TTLL3: variants seen among roughly 807,000 people sequenced by gnomAD.
The protein encoded by TTLL3 is tubulin monoglycylase TTLL3.
Under a neutral mutation model 75.2 loss-of-function variants are expected in TTLL3, and 63 were observed. The ratio of observed to expected loss-of-function variants is 0.84; its 90% CI spans 0.68 to 1.03. The LOEUF (loss-of-function observed/expected upper bound fraction) is 1.03, where lower values mean the gene tolerates loss of function less well. TTLL3 is among the 50% of genes least tolerant of loss of function. The probability of loss-of-function intolerance (pLI) is 0.00; values close to 1 mark genes in which losing one functional copy is unlikely to be tolerated. For synonymous variants in TTLL3, 393 were observed against 418.5 expected (o/e 0.94, Z 0.74); for missense variants, 997 against 1,069.9 (o/e 0.93, Z 0.95).
rs2079636492 is a variant in TTLL3, at chr3:9,814,461, C to T, written c.315+1116C>T. On this transcript the variant is annotated intron_variant, in intron 4 of 13. Coordinates refer to ENST00000685419, the MANE Select transcript of TTLL3 (RefSeq NM_001387446.1). ...AGGAGTTCAAGACCAACCGGGCCAA[C>T]ATGGTGAAACCCTGTCTCTACTAAA... Among the ~76,000 whole-genome samples, 3 of 152,104 alleles carry T rather than the reference C, an allele frequency of 2.0e-5. No individual in the cohort carries two copies. The South Asian group carries it at 6.2e-4, about 32-fold the overall frequency.
rs766360882 is a variant in TTLL3 at position 9,825,948 on chromosome 3, G to A, written c.1003G>A (p.Gly335Ser). Residue 335 changes from glycine to serine, a missense_variant and splice_region_variant, in exon 9 of 14, where the codon GGC (glycine) becomes AGC (serine). Transcript: ENST00000685419. ...GCCAGGAGCCAAGTCCCGCGGACGA[G>A]GTGGGGGTCAGCTCCTGCTTCCTGC... ...VKPGAKSRGR[G>S]IMCMDHLEEM... 6.2e-7 allele frequency: 1 copy of A among 1,612,440 alleles called. No homozygotes were observed. The highest frequency in any genetic ancestry group is 1.7e-5 in the Admixed American group (1 of 60,016).
intron 2 of TTLL3, 27 bp from the exon 3 acceptor site, chr3:9,812,916 A>G: frequency 6.8e-7 from 1 of 1,475,068 alleles, no homozygotes; most frequent in Non-Finnish European, 9.0e-7. Context: ...ATACTTATTG[A>G]AGAAGTATCC....
At chr3:9,820,088 G>A (rs746151427) in intron 7 of TTLL3, 9 of 995,026 alleles carry the variant, frequency 9.0e-6, no homozygotes, top group Non-Finnish European at 1.1e-5. Flanking sequence ...GTGTTTCTGT[G>A]GGCTAAGGGT....
chr3:9,821,434 G>C (rs1163464804), intron 8 of TTLL3, among the ~76,000 whole-genome samples: 3 of 152,300 alleles, frequency 2.0e-5, no homozygotes, highest in East Asian at 3.9e-4. Context: ...CGTAGCCCCT[G>C]TTCTCAACTG....
At position 9,833,150 on chromosome 3, in the gene TTLL3, A is replaced by G. The variant is rs752170552; in HGVS notation, c.1730A>G (p.Glu577Gly). The G allele has an allele frequency of 1.2e-6, 2 of 1,614,166 alleles. No individual in the cohort carries two copies. Among genetic ancestry groups the G allele is most frequent in the South Asian group, 1.1e-5 (1 of 91,088 alleles). The change falls in exon 12 of 14, where the codon GAG (glutamate) becomes GGG (glycine). Residue 577 changes from glutamate (E) to glycine (G), a missense_variant. By Grantham distance (98) the Glu-to-Gly change is moderately conservative (BLOSUM62 -2). Coordinates refer to ENST00000685419, the MANE Select transcript of TTLL3 (RefSeq NM_001387446.1). ...PQYVGIRLLV[E>G]GFTIKKPMAM... ...TATGTGGGCATCCGGCTCCTGGTAGAGGGCTTCACCATCAAGAAGCCCATG... is the reference window on the plus strand; with the variant it reads ...TATGTGGGCATCCGGCTCCTGGTAGGGGGCTTCACCATCAAGAAGCCCATG...
In TTLL3 at chr3:9,834,916, C is replaced by T. The variant is rs191430514; in HGVS notation, c.2052+9C>T. 30 of 1,614,234 alleles carry T rather than the reference C, an allele frequency of 1.9e-5. No individual in the cohort carries two copies. Among genetic ancestry groups the T allele is most frequent in the Middle Eastern group, 1.6e-4 (1 of 6,062 alleles). On this transcript the variant is annotated intron_variant, in intron 13 of 13. Transcript: ENST00000685419. ...TCCTGAAGCCAAGAAAGGTGGGCCT[C>T]GACCTGTGACTCACACCCAGTGGAC...
chr3:9,829,273 C>G lies in TTLL3; in HGVS notation c.1561C>G (p.Pro521Ala). 6.2e-7 allele frequency: 1 copy of G among 1,614,184 alleles called. No homozygotes were observed. Among genetic ancestry groups the G allele is most frequent in the Non-Finnish European group, 8.5e-7 (1 of 1,180,048 alleles). ...IEINASPTMAPSTAVTARLCA... is the reference protein window; with the variant it reads ...IEINASPTMAASTAVTARLCA... ...GATCAACGCCAGCCCCACGATGGCA[C>G]CCTCCACAGCAGTCACTGCCCGGCT... is the stretch of plus-strand genomic sequence containing the variant. Residue 521 changes from proline (P) to alanine (A), a missense_variant, in exon 11 of 14, where the codon CCC (proline) becomes GCC (alanine). Pro to Ala is a conservative substitution (Grantham distance 27, BLOSUM62 -1). Coordinates refer to ENST00000685419, the MANE Select transcript of TTLL3 (RefSeq NM_001387446.1).
intron 8 of TTLL3, among the ~76,000 whole-genome samples, chr3:9,825,186 CAA>C (rs935918558): frequency 6.6e-6 from 1 of 151,970 alleles, no homozygotes; most frequent in African/African-American, 2.4e-5. Context: ...CCCATCTCTG[CAA>C]AAAATAAAAA....
Position 9,832,383 on chromosome 3 carries a change from G to A in TTLL3, c.1684-721G>A, listed in dbSNP as rs114782189. Among the ~76,000 whole-genome samples the A allele has an allele frequency of 7.5e-3, 1,138 of 152,152 alleles. 13 individuals carry two copies. Among genetic ancestry groups the A allele is most frequent in the African/African-American group, 0.026 (1,083 of 41,532 alleles). ...GATTACAGGTGTGACCACCATGCCC[G>A]GCCAATAGCTGTATTTTTAACAAGC... On this transcript the variant is annotated intron_variant, in intron 11 of 13. Transcript: ENST00000685419.
At position 9,835,191 on chromosome 3, in the gene TTLL3, C is replaced by T. The variant is rs1173376086; in HGVS notation, c.2150C>T (p.Ser717Leu). 6.2e-7 allele frequency: 1 copy of T among 1,609,030 alleles called. No homozygotes were observed. Among genetic ancestry groups the T allele is most frequent in the Non-Finnish European group, 8.5e-7 (1 of 1,179,648 alleles). The change falls in exon 14 of 14, where the codon TCA becomes TTA. Residue 717 changes from serine (S) to leucine (L), a missense_variant. Coordinates refer to ENST00000685419, the MANE Select transcript of TTLL3 (RefSeq NM_001387446.1). ...SEQFLAPVGR[S>L]RPKANSRPDC... Reference sequence around the variant, plus strand: ...CAATTCCTAGCACCTGTCGGAAGGTCAAGGCCAAAGGCAAATTCAAGGCCA... The same window carrying T: ...CAATTCCTAGCACCTGTCGGAAGGTTAAGGCCAAAGGCAAATTCAAGGCCA...
Position 9,827,072 on chromosome 3 carries a change from A to AGTG in TTLL3, c.1081_1083dup (p.Trp361dup). The AGTG allele has an allele frequency of 6.2e-7, 1 of 1,614,212 alleles. No individual in the cohort carries two copies. The highest frequency in any genetic ancestry group is 8.5e-7 in the Non-Finnish European group (1 of 1,180,036). On this transcript the variant is annotated inframe_insertion, in exon 10 of 14. Coordinates refer to ENST00000685419, the MANE Select transcript of TTLL3 (RefSeq NM_001387446.1). ...AACCCCGTGGTGATGAAGGACGGCA[A>AGTG]GTGGGTGGTGCAGAAGTATATTGAG... is the stretch of plus-strand genomic sequence containing the variant.
intron 7 of TTLL3, 101 bp downstream of exon 7, chr3:9,819,021 A>C: frequency 6.8e-7 from 1 of 1,470,418 alleles, no homozygotes; most frequent in Non-Finnish European, 9.4e-7. Context: ...CCACGCACCT[A>C]CTGGTTCATC....
chr3:9,819,191 A>C, intron 7 of TTLL3: 2 of 504,056 alleles, frequency 4.0e-6, no homozygotes, highest in African/African-American at 1.9e-5. Context: ...CCCATTGTTA[A>C]TCTCGTCATT....
rs2081315248 is a variant in TTLL3, at chr3:9,829,235, C to T, written c.1523C>T (p.Pro508Leu). Reference sequence around the variant, plus strand: ...TTCGTGTTCGGGGAGGACTTCCAGCCCTGGCTGATTGAGATCAACGCCAGC... The same window carrying T: ...TTCGTGTTCGGGGAGGACTTCCAGCTCTGGCTGATTGAGATCAACGCCAGC... Reference protein sequence around the residue: ...ADFVFGEDFQPWLIEINASPT... With the variant: ...ADFVFGEDFQLWLIEINASPT... Residue 508 changes from proline to leucine, a missense_variant, in exon 11 of 14, where the codon CCC becomes CTC. Transcript: ENST00000685419. 1 of 1,614,210 alleles carries T rather than the reference C, an allele frequency of 6.2e-7. No homozygotes were observed. Among genetic ancestry groups the T allele is most frequent in the Non-Finnish European group, 8.5e-7 (1 of 1,180,034 alleles).
chr3:9,819,353 C>G, intron 7 of TTLL3: 1 of 270,672 alleles, frequency 3.7e-6, no homozygotes, highest in Non-Finnish European at 6.0e-6. Flanking sequence ...CTCATCCATT[C>G]TTCTGTCCCA....
Position 9,825,907 on chromosome 3 carries a change from A to G in TTLL3, c.962A>G (p.Asn321Ser), listed in dbSNP as rs756530100. Residue 321 changes from asparagine (N) to serine (S), a missense_variant, in exon 9 of 14, where the codon AAC (asparagine) becomes AGC (serine). Physicochemically the swap from Asn to Ser is conservative, Grantham distance 46. Coordinates refer to ENST00000685419, the MANE Select transcript of TTLL3 (RefSeq NM_001387446.1). ...CAGATAGACATGGAAGGGGATCGCA[A>G]CATCTGGATCGTGAAGCCAGGAGCC... ...VPQIDMEGDR[N>S]IWIVKPGAKS... The G allele has an allele frequency of 5.0e-6, 8 of 1,613,998 alleles. No homozygotes were observed. In the African/African-American group the frequency reaches 1.1e-4, roughly 22 times the overall value.
chr3:9,824,269 AGGCAC>A lies in TTLL3; in HGVS notation c.855-1530_855-1526del, dbSNP rs1306191694. On this transcript the variant is annotated intron_variant, in intron 8 of 13. Transcript: ENST00000685419. ...GGCTAACATTGTTTCAGCCAATATTAGGCACAGATTAAGACAGGAATGAACCCCAA... is the reference window on the plus strand; with the variant it reads ...GGCTAACATTGTTTCAGCCAATATTAAGATTAAGACAGGAATGAACCCCAA... Among the ~76,000 whole-genome samples the A allele has an allele frequency of 2.9e-3, 436 of 152,352 alleles. 5 individuals carry two copies. Among genetic ancestry groups the A allele is most frequent in the African/African-American group, 0.01 (431 of 41,582 alleles).
At chr3:9,812,868 G>A (rs1203170530) in intron 2 of TTLL3, 75 bp from the exon 3 acceptor site, 6 of 1,402,038 alleles carry the variant, frequency 4.3e-6, no homozygotes, top group Non-Finnish European at 5.6e-6. Context: ...ATAACTGTCT[G>A]GTTCACCTTT....
At position 9,810,517 on chromosome 3, in the gene TTLL3, G is replaced by T. The variant is rs2079245912; in HGVS notation, c.-41-104G>T. 1.4e-6 allele frequency: 2 copies of T among 1,471,610 alleles called. No homozygotes were observed. Among genetic ancestry groups the T allele is most frequent in the South Asian group, 2.8e-5 (2 of 71,784 alleles). The allele number at this position is 1,471,610 out of a possible 1,614,324, so 91.2% of individuals were successfully genotyped here. A position where few individuals can be genotyped will look rare whatever the true frequency, so the allele number is the denominator to read the frequency against. On this transcript the variant is annotated intron_variant, in intron 1 of 13. Coordinates refer to ENST00000685419, the MANE Select transcript of TTLL3 (RefSeq NM_001387446.1). The surrounding 1 kb of genome is among the most constrained non-coding windows in gnomAD (Gnocchi z 4.4). Reference sequence around the variant, plus strand: ...AGGGTGGGCATCTGGATGAAGGCAGGAGGAAGAAAAGAGGCGTGGCTATGG... The same window carrying T: ...AGGGTGGGCATCTGGATGAAGGCAGTAGGAAGAAAAGAGGCGTGGCTATGG...
Sources: allele counts gnomAD v4.1 joint callset (sites outside exome capture counted in the v4.1 genomes callset), GRCh38; gene constraint gnomAD v4.1.1; non-coding constraint Gnocchi (gnomAD v3.1); transcripts MANE v1.5; gene names NCBI Gene and HGNC (gene_info 2026-07-23, HGNC 2026-07-21).